The following PIK3R2 variants were observed in gnomAD, a reference collection of about 807,000 sequenced individuals.
PIK3R2 encodes phosphoinositide-3-kinase regulatory subunit 2.
PIK3R2 carries 40 observed loss-of-function variants against 78.5 expected under a neutral mutation model. The observed-to-expected ratio is 0.51, with a 90% CI of 0.40 to 0.66. The LOEUF is 0.66. PIK3R2 is among the 30% of genes least tolerant of loss of function. The pLI is 0.00. For missense variants in PIK3R2, 880 were observed against 1,026.6 expected (o/e 0.86, Z 1.95); for synonymous variants, 473 against 457.7 (o/e 1.03, Z -0.43).
At chr19:18,165,272 GGA>G (rs1294132821) in intron 11 of PIK3R2, among the ~76,000 whole-genome samples, 1 of 148,440 alleles carries the variant, frequency 6.7e-6, no homozygotes, top group Non-Finnish European at 1.5e-5. Flanking sequence ...GGCTGAGGCA[GGA>G]GAATAGCTTG....
intron 11 of PIK3R2, among the ~76,000 whole-genome samples, chr19:18,164,502 G>A (rs1268088583): frequency 6.6e-6 from 1 of 152,110 alleles, no homozygotes; most frequent in Non-Finnish European, 1.5e-5. Flanking sequence ...AAAATTAAGT[G>A]AAAGGTTTTG....
In PIK3R2 at chr19:18,169,343, C is replaced by A; in HGVS notation, c.*49C>A. The A allele has an allele frequency of 1.7e-6, 2 of 1,144,530 alleles. No individual in the cohort carries two copies. Among genetic ancestry groups the A allele is most frequent in the Non-Finnish European group, 2.2e-6 (2 of 900,336 alleles). The allele number at this position is 1,144,530 out of a possible 1,614,324, so 70.9% of individuals were successfully genotyped here. ...GAGCCGCCCCTGGGCCCGTCTGCGC[C>A]GGAGGCTGCGGCGGCGGGAGCCACG... On this transcript the variant is annotated 3_prime_UTR_variant, in exon 16 of 16. Transcript: ENST00000222254.
Position 18,160,935 on chromosome 19 carries a change from T to G in PIK3R2, c.432T>G (p.Ser144=). The change falls in exon 4 of 16, where the codon TCT becomes TCG. Residue 144 remains serine, a synonymous_variant. Transcript: ENST00000222254. ...CACCCCCAGGGCTGGACAGCGAATC[T>G]CACTACCGCCCGGAGCTGCCCGCAC... ...AIERTGLDSE[S]HYRPELPAPR... is the part of the protein sequence containing the mutation. 1 of 1,611,320 alleles carries G rather than the reference T, an allele frequency of 6.2e-7. No individual in the cohort carries two copies. Among genetic ancestry groups the G allele is most frequent in the Non-Finnish European group, 8.5e-7 (1 of 1,179,304 alleles).
Position 18,167,030 on chromosome 19 carries a change from G to A in PIK3R2, c.1560-100G>A. The stretch of plus-strand genomic sequence containing the variant: ...GCACACCTGTGGTCCCAGCTACTCG[G>A]GAGGCTGAGGTAGGAGGGTCACCTG... On this transcript the variant is annotated intron_variant, in intron 12 of 15. Coordinates refer to ENST00000222254, the MANE Select transcript of PIK3R2 (RefSeq NM_005027.4). This position sits in a 1 kb window ranked among gnomAD's most constrained non-coding sequence, Gnocchi z 4.5. The A allele has an allele frequency of 1.0e-6, 1 of 966,924 alleles. No homozygotes were observed. The highest frequency in any genetic ancestry group is 1.5e-6 in the Non-Finnish European group (1 of 676,870). The allele number at this position is 966,924 out of a possible 1,614,324, so 59.9% of individuals were successfully genotyped here. A position where few individuals can be genotyped will look rare whatever the true frequency, so the allele number is the denominator to read the frequency against.
At chr19:18,166,428 G>C (rs1447669287) in intron 12 of PIK3R2, 126 bp downstream of exon 12, 1 of 782,232 alleles carries the variant, frequency 1.3e-6, no homozygotes, top group Non-Finnish European at 2.1e-6. Context: ...AATGGACTTT[G>C]GGCCTGGTGC....
intron 9 of PIK3R2, 111 bp downstream of exon 9, chr19:18,162,617 C>T: frequency 2.2e-6 from 2 of 889,616 alleles, no homozygotes; most frequent in Non-Finnish European, 3.5e-6. Flanking sequence ...GGCACGGTGG[C>T]TTACACCTGT....
chr19:18,163,259 C>T lies in PIK3R2; in HGVS notation c.1291-4C>T, dbSNP rs191361256. 1.9e-6 allele frequency: 3 copies of T among 1,614,132 alleles called. No homozygotes were observed. Among genetic ancestry groups the T allele is most frequent in the South Asian group, 1.1e-5 (1 of 91,074 alleles). On this transcript the variant is annotated splice_region_variant and splice_polypyrimidine_tract_variant and intron_variant, in intron 10 of 15. Coordinates refer to ENST00000222254, the MANE Select transcript of PIK3R2 (RefSeq NM_005027.4). The stretch of plus-strand genomic sequence containing the variant: ...TCTCCCCTCATTCCGCCACGTATCT[C>T]CAGGACCAGATTGTCAAGGAGGACA...
chr19:18,153,449 G>T (rs908499695), intron 1 of PIK3R2, among the ~76,000 whole-genome samples, 155 bp downstream of exon 1: 64 of 152,324 alleles, frequency 4.2e-4, no homozygotes, highest in African/African-American at 1.4e-3. Context: ...GCAAGGGGGG[G>T]CCTCGGGCTC....
At chr19:18,160,289 C>G (rs1411897303) in intron 2 of PIK3R2, among the ~76,000 whole-genome samples, 182 bp from the exon 3 acceptor site, 1 of 152,214 alleles carries the variant, frequency 6.6e-6, no homozygotes, top group Non-Finnish European at 1.5e-5. Context: ...CAATTCTGCC[C>G]TTTCCCAGCC....
intron 11 of PIK3R2, among the ~76,000 whole-genome samples, chr19:18,164,792 T>C (rs951867007): frequency 2.7e-4 from 41 of 150,610 alleles, no homozygotes; most frequent in African/African-American, 9.2e-4. Context: ...CGTGCCACCA[T>C]GCCTGGCTAA....
At position 18,161,310 on chromosome 19, in the gene PIK3R2, G is replaced by A. The variant is rs1370552714; in HGVS notation, c.630G>A (p.Glu210=). 7.4e-7 allele frequency: 1 copy of A among 1,356,204 alleles called. No individual in the cohort carries two copies. Among genetic ancestry groups the A allele is most frequent in the Non-Finnish European group, 9.4e-7 (1 of 1,060,612 alleles). 84.0% of individuals were successfully genotyped at this position (1,356,204 alleles called of 1,614,324 possible). The change falls in exon 6 of 16, where the codon GAG becomes GAA. Residue 210 remains glutamate, a synonymous_variant. Coordinates refer to ENST00000222254, the MANE Select transcript of PIK3R2 (RefSeq NM_005027.4). This position sits in a 1 kb window ranked among gnomAD's most constrained non-coding sequence, Gnocchi z 5.3. ...CGGGGCCCGTGGGGCCGGCGCTGGA[G>A]CCACCGACGCTGCCGCTGCACCGCG... is the stretch of plus-strand genomic sequence containing the variant. The part of the protein sequence containing the change: ...EAAGPVGPAL[E]PPTLPLHRAL...
In PIK3R2 at chr19:18,161,333, G is replaced by T; in HGVS notation, c.653G>T (p.Arg218Leu). Residue 218 changes from arginine to leucine, a missense_variant, in exon 6 of 16, where the codon CGC (arginine) becomes CTC (leucine). Transcript: ENST00000222254. The surrounding 1 kb of genome is among the most constrained non-coding windows in gnomAD (Gnocchi z 5.3). ...GAGCCACCGACGCTGCCGCTGCACC[G>T]CGCGCTCACGCTGCGCTTCCTGCTC... ...ALEPPTLPLHRALTLRFLLQH... is the reference protein window; with the variant it reads ...ALEPPTLPLHLALTLRFLLQH... 7.5e-7 allele frequency: 1 copy of T among 1,327,564 alleles called. No homozygotes were observed. Among genetic ancestry groups the T allele is most frequent in the East Asian group, 3.2e-5 (1 of 31,428 alleles). The allele number at this position is 1,327,564 out of a possible 1,614,324, so 82.2% of individuals were successfully genotyped here.
chr19:18,161,188 G>T lies in PIK3R2; in HGVS notation c.598+3G>T, dbSNP rs1337626647. 6.5e-7 allele frequency: 1 copy of T among 1,544,620 alleles called. No individual in the cohort carries two copies. Among genetic ancestry groups the T allele is most frequent in the East Asian group, 2.4e-5 (1 of 40,880 alleles). On this transcript the variant is annotated splice_donor_region_variant and intron_variant, in intron 5 of 15. Coordinates refer to ENST00000222254, the MANE Select transcript of PIK3R2 (RefSeq NM_005027.4). The surrounding 1 kb of genome is among the most constrained non-coding windows in gnomAD (Gnocchi z 5.3). ...CGAGGCGCGCCGGGCCCTGCGGGGT[G>T]AGCCTGGCGGGTAGCCCGGGGGAAG...
chr19:18,166,342 T>C (rs1369804435), intron 12 of PIK3R2, 40 bp downstream of exon 12: 2 of 1,550,970 alleles, frequency 1.3e-6, no homozygotes, highest in African/African-American at 2.7e-5. Flanking sequence ...CCCACCCTGA[T>C]CTGGTGCAGT....
Position 18,155,564 on chromosome 19 carries a change from G to A in PIK3R2, c.-316G>A. ...CTTGGGCGCCCATGGCCCTCCGTGTGAGGGCGTGAGCGGCCTGCCCCAGCC... is the reference window on the plus strand; with the variant it reads ...CTTGGGCGCCCATGGCCCTCCGTGTAAGGGCGTGAGCGGCCTGCCCCAGCC... On this transcript the variant is annotated 5_prime_UTR_variant, in exon 2 of 16. Coordinates refer to ENST00000222254, the MANE Select transcript of PIK3R2 (RefSeq NM_005027.4). 1 of 474,102 alleles carries A rather than the reference G, an allele frequency of 2.1e-6. No homozygotes were observed. The highest frequency in any genetic ancestry group is 3.7e-6 in the Non-Finnish European group (1 of 270,850). 29.4% of individuals were successfully genotyped at this position (474,102 alleles called of 1,614,324 possible).
At chr19:18,160,834 T>C in intron 3 of PIK3R2, 85 bp from the exon 4 acceptor site, 3 of 1,456,010 alleles carry the variant, frequency 2.1e-6, no homozygotes, top group Non-Finnish European at 2.8e-6. Flanking sequence ...AAAGGGAGAC[T>C]GCAGGGGGGT....
In PIK3R2 at chr19:18,155,908, G is replaced by A. The variant is rs1371555508; in HGVS notation, c.29G>A (p.Arg10His). ...GCGGGCCCTGAGGGCTTCCAGTACCGCGCTCTGTACCCGTTCCGCCGGGAG... is the reference window on the plus strand; with the variant it reads ...GCGGGCCCTGAGGGCTTCCAGTACCACGCTCTGTACCCGTTCCGCCGGGAG... MAGPEGFQY[R>H]ALYPFRRERP... is the part of the protein sequence containing the mutation. Residue 10 changes from arginine to histidine, a missense_variant, in exon 2 of 16, where the codon CGC becomes CAC. Transcript: ENST00000222254. 8.3e-6 allele frequency: 13 copies of A among 1,562,028 alleles called. No individual in the cohort carries two copies. The highest frequency in any genetic ancestry group is 2.3e-5 in the South Asian group (2 of 85,178).
Position 18,168,770 on chromosome 19 carries a change from A to C in PIK3R2, c.1853A>C (p.Glu618Ala). 3.1e-6 allele frequency: 5 copies of C among 1,613,568 alleles called. No individual in the cohort carries two copies. The highest frequency in any genetic ancestry group is 4.2e-6 in the Non-Finnish European group (5 of 1,179,854). Residue 618 changes from glutamate (E) to alanine (A), a missense_variant, in exon 15 of 16, where the codon GAG (glutamate) becomes GCG (alanine). Coordinates refer to ENST00000222254, the MANE Select transcript of PIK3R2 (RefSeq NM_005027.4). The surrounding 1 kb of genome is among the most constrained non-coding windows in gnomAD (Gnocchi z 4.1). ...GACGAGGACGATCTCCCGCACCACG[A>C]GGAACGCACTTGGTACGTGGGCAAG... Reference protein sequence around the residue: ...MEDEDDLPHHEERTWYVGKIN... With the variant: ...MEDEDDLPHHAERTWYVGKIN...
In PIK3R2 at chr19:18,161,322, G is replaced by A; in HGVS notation, c.642G>A (p.Leu214=). The change falls in exon 6 of 16, where the codon CTG becomes CTA. Residue 214 remains leucine, a synonymous_variant. Coordinates refer to ENST00000222254, the MANE Select transcript of PIK3R2 (RefSeq NM_005027.4). This position sits in a 1 kb window ranked among gnomAD's most constrained non-coding sequence, Gnocchi z 5.3. ...GGCCGGCGCTGGAGCCACCGACGCT[G>A]CCGCTGCACCGCGCGCTCACGCTGC... ...PVGPALEPPT[L]PLHRALTLRF... 1 of 1,328,426 alleles carries A rather than the reference G, an allele frequency of 7.5e-7. No individual in the cohort carries two copies. The highest frequency in any genetic ancestry group is 2.0e-5 in the South Asian group (1 of 50,788). 82.3% of individuals were successfully genotyped at this position (1,328,426 alleles called of 1,614,324 possible). A position where few individuals can be genotyped will look rare whatever the true frequency, so the allele number is the denominator to read the frequency against.
Sources: allele counts gnomAD v4.1 joint callset (sites outside exome capture counted in the v4.1 genomes callset), GRCh38; gene constraint gnomAD v4.1.1; non-coding constraint Gnocchi (gnomAD v3.1); transcripts MANE v1.5; gene names NCBI Gene and HGNC (gene_info 2026-07-23, HGNC 2026-07-21).